Variants in ACER3 observed in about 807,000 individuals in gnomAD.
ACER3 encodes the protein alkCDase 3.
A neutral mutation model predicts 48.9 loss-of-function variants in ACER3; 16 were observed. The observed-to-expected ratio is 0.33, with a 90% CI of 0.22 to 0.50. The LOEUF (loss-of-function observed/expected upper bound fraction) is 0.50. ACER3 is among the 20% of genes least tolerant of loss of function. The pLI is 0.98. For missense variants in ACER3, 227 were observed against 326.0 expected (o/e 0.70, Z 2.34); for synonymous variants, 109 against 107.8 (o/e 1.01, Z -0.07).
At chr11:77,014,180 G>A (rs1555022795) in intron 7 of ACER3, among the ~76,000 whole-genome samples, 1 of 152,138 alleles carries the variant, frequency 6.6e-6, no homozygotes, top group African/African-American at 2.4e-5. Context: ...ACTATTTTCA[G>A]TACCTCACCA....
At chr11:76,885,743 G>A (rs1449949267) in intron 1 of ACER3, among the ~76,000 whole-genome samples, 2 of 152,164 alleles carry the variant, frequency 1.3e-5, no homozygotes, top group East Asian at 3.9e-4. Context: ...TAGCATGTAA[G>A]AGTCTGATAA....
intron 1 of ACER3, among the ~76,000 whole-genome samples, chr11:76,880,540 G>A (rs1370351250): frequency 6.6e-6 from 1 of 152,190 alleles, no homozygotes; most frequent in Non-Finnish European, 1.5e-5. Flanking sequence ...GAAGCCCCAT[G>A]TTGTTTTACT....
At chr11:76,966,615 C>A (rs1464382625) in intron 3 of ACER3, among the ~76,000 whole-genome samples, 2 of 151,074 alleles carry the variant, frequency 1.3e-5, no homozygotes, top group African/African-American at 2.5e-5. Flanking sequence ...GTCTCTCAGA[C>A]CACAGTGCAA....
intron 4 of ACER3, among the ~76,000 whole-genome samples, chr11:76,984,066 G>T (rs1441859761): frequency 1.3e-5 from 2 of 152,150 alleles, no homozygotes; most frequent in Non-Finnish European, 2.9e-5. Flanking sequence ...GGGATTACAG[G>T]CGTGAGCCAC....
In ACER3 at chr11:77,015,137, C is replaced by T; in HGVS notation, c.599+20C>T. 2 of 1,313,836 alleles carry T rather than the reference C, an allele frequency of 1.5e-6. No homozygotes were observed. Among genetic ancestry groups the T allele is most frequent in the Non-Finnish European group, 2.2e-6 (2 of 918,172 alleles). The allele number at this position is 1,313,836 out of a possible 1,614,324, so 81.4% of individuals were successfully genotyped here. A position where few individuals can be genotyped will look rare whatever the true frequency, so the allele number is the denominator to read the frequency against. ...ACTGAGGTAAGATATATTTTCATTC[C>T]TTCAGAAATATTTTTGGAAGCATTT... is the stretch of plus-strand genomic sequence containing the variant. On this transcript the variant is annotated intron_variant, in intron 8 of 10. Coordinates refer to ENST00000532485, the MANE Select transcript of ACER3 (RefSeq NM_018367.7).
At chr11:76,899,440 G>T (rs114184701) in intron 1 of ACER3, among the ~76,000 whole-genome samples, 4,926 of 152,176 alleles carry the variant, frequency 0.032, 95 homozygotes, top group South Asian at 0.066. Flanking sequence ...ATATCAGTTG[G>T]AAACATATCC....
At chr11:76,867,817 A>G (rs1945134851) in intron 1 of ACER3, among the ~76,000 whole-genome samples, 1 of 152,170 alleles carries the variant, frequency 6.6e-6, no homozygotes, top group Non-Finnish European at 1.5e-5. Flanking sequence ...TCATCTTGCC[A>G]TATCCTTTTG....
intron 1 of ACER3, among the ~76,000 whole-genome samples, chr11:76,874,941 G>A (rs1400220686): frequency 1.3e-5 from 2 of 151,920 alleles, no homozygotes; most frequent in African/African-American, 4.8e-5. Flanking sequence ...CATGCTGTTG[G>A]CTTGTCGTTT....
intron 7 of ACER3, among the ~76,000 whole-genome samples, chr11:77,005,994 T>A (rs1490750233): frequency 0.53 from 42,271 of 79,926 alleles, 12,666 homozygotes; most frequent in Non-Finnish European, 0.7. Flanking sequence ...TATATATATT[T>A]TTTTTTTTTT....
chr11:76,899,010 A>T (rs964482007), intron 1 of ACER3, among the ~76,000 whole-genome samples: 3 of 151,888 alleles, frequency 2.0e-5, no homozygotes, highest in African/African-American at 7.3e-5. Context: ...TTCAACAACT[A>T]GATCTGATGA....
At chr11:76,863,047 G>A (rs1335166976) in intron 1 of ACER3, among the ~76,000 whole-genome samples, 1 of 152,128 alleles carries the variant, frequency 6.6e-6, no homozygotes. Flanking sequence ...GCAACATAGT[G>A]AGACCCTGTC....
At chr11:76,945,023 T>C (rs530851480) in intron 2 of ACER3, among the ~76,000 whole-genome samples, 28 of 148,332 alleles carry the variant, frequency 1.9e-4, no homozygotes, top group Non-Finnish European at 3.5e-4. Flanking sequence ...TATTTTGTTG[T>C]TTTTTTTTCA....
At chr11:76,909,456 A>G (rs7115092) in intron 1 of ACER3, among the ~76,000 whole-genome samples, 106,059 of 151,986 alleles carry the variant, frequency 0.7, 37,320 homozygotes, top group Non-Finnish European at 0.74. Context: ...AAAAGCGGGC[A>G]AAGGATGTGA....
At chr11:76,965,872 C>T (rs1948123592) in intron 3 of ACER3, among the ~76,000 whole-genome samples, 1 of 151,260 alleles carries the variant, frequency 6.6e-6, no homozygotes, top group African/African-American at 2.5e-5. Context: ...TTGTAAAGAC[C>T]ATCAAGGCTA....
At chr11:76,910,062 T>G (rs959001838) in intron 1 of ACER3, among the ~76,000 whole-genome samples, 1 of 149,128 alleles carries the variant, frequency 6.7e-6, no homozygotes, top group African/African-American at 2.5e-5. Flanking sequence ...TAAGTGAGAG[T>G]TGAACAATGA....
chr11:76,912,449 T>C (rs959746218), intron 1 of ACER3, among the ~76,000 whole-genome samples: 3 of 152,180 alleles, frequency 2.0e-5, no homozygotes. Flanking sequence ...GTTCATAATA[T>C]TGCTTTTTTC....
At chr11:76,950,637 A>ATTT (rs970529600) in intron 2 of ACER3, among the ~76,000 whole-genome samples, 1 of 150,808 alleles carries the variant, frequency 6.6e-6, no homozygotes, top group South Asian at 2.1e-4. Flanking sequence ...AATTTTTTAC[A>ATTT]TTTTTTGTAG....
At chr11:76,901,844 C>A (rs1158071892) in intron 1 of ACER3, among the ~76,000 whole-genome samples, 1 of 152,142 alleles carries the variant, frequency 6.6e-6, no homozygotes, top group Admixed American at 6.5e-5. Flanking sequence ...CTTTAACTAC[C>A]AGGCCCAGGG....
chr11:76,907,133 C>A (rs1946255916), intron 1 of ACER3, among the ~76,000 whole-genome samples: 1 of 152,074 alleles, frequency 6.6e-6, no homozygotes. Context: ...CAGTTTAATA[C>A]CCCAATTATT....
Sources: gnomAD v4.1 joint callset for allele counts (sites outside exome capture counted in the v4.1 genomes callset) on GRCh38, gnomAD v4.1.1 for gene constraint, MANE v1.5 for transcripts, NCBI Gene and HGNC (gene_info 2026-07-23, HGNC 2026-07-21) for gene names.